Variants in RREB1 observed in about 807,000 individuals in gnomAD.
RREB1 encodes the protein ras-responsive element-binding protein 1.
Under a neutral mutation model 117.8 loss-of-function variants are expected in RREB1, and 27 were observed. The observed-to-expected ratio is 0.23, with a 90% CI of 0.17 to 0.32. RREB1 has a LOEUF of 0.32. RREB1 is among the 10% of genes least tolerant of loss of function. The pLI is 1.00. For synonymous variants in RREB1, 1,298 were observed against 1,026.7 expected (o/e 1.26, Z -5.05); for missense variants, 2,577 against 2,378.2 (o/e 1.08, Z -1.74).
At chr6:7,126,291 C>T (rs543476548) in intron 1 of RREB1, among the ~76,000 whole-genome samples, 42 of 148,662 alleles carry the variant, frequency 2.8e-4, no homozygotes, top group East Asian at 4.0e-4. Flanking sequence ...TGAGCCACTG[C>T]GCCCGGCCTC....
At chr6:7,221,193 G>T (rs796945269) in intron 8 of RREB1, among the ~76,000 whole-genome samples, 1 of 151,008 alleles carries the variant, frequency 6.6e-6, no homozygotes, top group African/African-American at 2.4e-5. Context: ...ACGGAGTCTC[G>T]CTCTGTCGCC....
intron 12 of RREB1, among the ~76,000 whole-genome samples, chr6:7,247,875 C>T (rs1769187002): frequency 6.6e-6 from 1 of 152,224 alleles, no homozygotes; most frequent in Admixed American, 6.5e-5. Flanking sequence ...CCAAAATAAC[C>T]TGTCCCTCCT....
rs1581604571 is a variant in RREB1 at position 7,249,267 on chromosome 6, T to C, written c.*299T>C. 1 of 372,574 alleles carries C rather than the reference T, an allele frequency of 2.7e-6. No individual in the cohort carries two copies. The highest frequency in any genetic ancestry group is 4.2e-5 in the East Asian group (1 of 23,836). 23.1% of individuals were successfully genotyped at this position (372,574 alleles called of 1,614,324 possible). A position where few individuals can be genotyped will look rare whatever the true frequency, so the allele number is the denominator to read the frequency against. Reference sequence around the variant, plus strand: ...AATGACTTCTTAAACAAAACAAATATTATAATGAATTGTCTGGAGAGGACC... The same window carrying C: ...AATGACTTCTTAAACAAAACAAATACTATAATGAATTGTCTGGAGAGGACC... On this transcript the variant is annotated 3_prime_UTR_variant, in exon 13 of 13. Coordinates refer to ENST00000379938, the MANE Select transcript of RREB1 (RefSeq NM_001003699.4).
intron 1 of RREB1, among the ~76,000 whole-genome samples, chr6:7,131,872 T>G (rs1762170170): frequency 6.6e-6 from 1 of 152,086 alleles, no homozygotes; most frequent in Admixed American, 6.5e-5. Flanking sequence ...ACTTTTTTTT[T>G]TTTTGGAGAC....
intron 1 of RREB1, among the ~76,000 whole-genome samples, chr6:7,116,951 T>C (rs1761425824): frequency 6.6e-6 from 1 of 152,168 alleles, no homozygotes; most frequent in Non-Finnish European, 1.5e-5. Context: ...AGCTCCAATG[T>C]GTGGGCCCAT....
intron 10 of RREB1, 57 bp downstream of exon 10, chr6:7,231,964 A>G: frequency 2.7e-6 from 4 of 1,500,056 alleles, no homozygotes; most frequent in Non-Finnish European, 3.6e-6. Context: ...AGGGGGAGCC[A>G]CGAGTGGGGG....
chr6:7,225,797 C>T (rs112900661), intron 8 of RREB1, among the ~76,000 whole-genome samples: 9 of 152,160 alleles, frequency 5.9e-5, no homozygotes, highest in African/African-American at 9.6e-5. Flanking sequence ...TTTTGATCAC[C>T]GGTGTTCATC....
intron 1 of RREB1, among the ~76,000 whole-genome samples, chr6:7,148,107 T>TG (rs1162680135): frequency 6.6e-6 from 1 of 151,926 alleles, no homozygotes; most frequent in Non-Finnish European, 1.5e-5. Flanking sequence ...AGGGTATACG[T>TG]GGGGGGAGAG....
chr6:7,145,250 G>A (rs1390641172), intron 1 of RREB1, among the ~76,000 whole-genome samples: 1 of 152,234 alleles, frequency 6.6e-6, no homozygotes, highest in East Asian at 1.9e-4. Flanking sequence ...GTGGTCGCAT[G>A]TTTTGGTGGT....
intron 1 of RREB1, among the ~76,000 whole-genome samples, chr6:7,166,813 G>T (rs1471877902): frequency 6.6e-6 from 1 of 152,126 alleles, no homozygotes; most frequent in African/African-American, 2.4e-5. Context: ...TCGTCCCTGG[G>T]GCAAAGTGGA....
At chr6:7,175,962 G>A (rs1764479450) in intron 1 of RREB1, among the ~76,000 whole-genome samples, 1 of 152,142 alleles carries the variant, frequency 6.6e-6, no homozygotes, top group African/African-American at 2.4e-5. Context: ...CTGTTACCCA[G>A]GCTGGAGTGC....
intron 6 of RREB1, among the ~76,000 whole-genome samples, chr6:7,206,469 A>G (rs542845502): frequency 9.9e-5 from 15 of 152,212 alleles, no homozygotes; most frequent in Non-Finnish European, 1.6e-4. Flanking sequence ...GGAATTCAAC[A>G]AATATTTATT....
chr6:7,130,929 CTTTTTTTTTT>C (rs61305060), intron 1 of RREB1, among the ~76,000 whole-genome samples: 10 of 45,718 alleles, frequency 2.2e-4, no homozygotes, highest in South Asian at 1.0e-3. Flanking sequence ...ATAGTCATGT[CTTTTTTTTTT>C]TTTTTTTTTT....
intron 1 of RREB1, among the ~76,000 whole-genome samples, chr6:7,134,542 G>A (rs955884452): frequency 1.3e-5 from 2 of 152,170 alleles, no homozygotes; most frequent in African/African-American, 4.8e-5. Context: ...TCCAGACCAA[G>A]TGTGATTTTA....
In RREB1 at chr6:7,181,675, G is replaced by A. The variant is rs1310304141; in HGVS notation, c.-42-195G>A. ...CTCAGAAAGGAGGCAAGGTTACTTC[G>A]TCCTTGGTATGCCAAGACTTGGTTT... On this transcript the variant is annotated intron_variant, in intron 3 of 12. Coordinates refer to ENST00000379938, the MANE Select transcript of RREB1 (RefSeq NM_001003699.4). 18 of 613,496 alleles carry A rather than the reference G, an allele frequency of 2.9e-5. No individual in the cohort carries two copies. In the Admixed American group the frequency reaches 3.9e-4, roughly 13 times the overall value. The allele number at this position is 613,496 out of a possible 1,614,324, so 38.0% of individuals were successfully genotyped here.
chr6:7,136,146 C>G (rs1581431947), intron 1 of RREB1, among the ~76,000 whole-genome samples: 1 of 152,140 alleles, frequency 6.6e-6, no homozygotes, highest in South Asian at 2.1e-4. Flanking sequence ...GGGAAAAAAC[C>G]CACCAAACTT....
chr6:7,210,740 T>C (rs1766531414), intron 6 of RREB1, 64 bp from the exon 7 acceptor site: 2 of 1,475,816 alleles, frequency 1.4e-6, no homozygotes, highest in Admixed American at 4.3e-5. Flanking sequence ...ATATAAAATA[T>C]TAAAAACATA....
At chr6:7,123,321 C>G (rs542521783) in intron 1 of RREB1, among the ~76,000 whole-genome samples, 1 of 152,012 alleles carries the variant, frequency 6.6e-6, no homozygotes, top group Non-Finnish European at 1.5e-5. Context: ...GCCGCCACGC[C>G]CAGCTAATTT....
intron 1 of RREB1, among the ~76,000 whole-genome samples, chr6:7,166,087 A>AGTT (rs758106467): frequency 1.5e-4 from 23 of 152,052 alleles, no homozygotes; most frequent in African/African-American, 4.8e-4. Flanking sequence ...CAGGGAGTGC[A>AGTT]GTTGTGAACT....
Sources: allele counts gnomAD v4.1 joint callset (sites outside exome capture counted in the v4.1 genomes callset), GRCh38; gene constraint gnomAD v4.1.1; transcripts MANE v1.5; gene names NCBI Gene and HGNC (gene_info 2026-07-23, HGNC 2026-07-21).